MLYCD: variants seen among roughly 807,000 people sequenced by gnomAD.
The protein encoded by MLYCD is malonyl-CoA decarboxylase, mitochondrial.
Under a neutral mutation model 35.8 loss-of-function variants are expected in MLYCD, and 27 were observed. That is an observed-to-expected ratio of 0.75 (90% CI 0.56 to 1.04). The LOEUF (loss-of-function observed/expected upper bound fraction) is 1.04, where lower values mean the gene tolerates loss of function less well. MLYCD is among the 50% of genes least tolerant of loss of function. MLYCD has a pLI of 0.00. For missense variants in MLYCD, 917 were observed against 665.1 expected (o/e 1.38, Z -4.17); for synonymous variants, 403 against 302.4 (o/e 1.33, Z -3.45).
chr16:83,915,551 C>G lies in MLYCD; in HGVS notation c.*62C>G. The G allele has an allele frequency of 6.3e-7, 1 of 1,585,888 alleles. No homozygotes were observed. Among genetic ancestry groups the G allele is most frequent in the South Asian group, 1.1e-5 (1 of 88,844 alleles). ...GAAAACGATCATTTTCAGGAGGGGCCGGGAGTTATGTATCTGAAGCAGCTT... is the reference window on the plus strand; with the variant it reads ...GAAAACGATCATTTTCAGGAGGGGCGGGGAGTTATGTATCTGAAGCAGCTT... On this transcript the variant is annotated 3_prime_UTR_variant, in exon 5 of 5. Transcript: ENST00000262430.
chr16:83,903,786 C>G (rs976179967), intron 1 of MLYCD, among the ~76,000 whole-genome samples: 2 of 152,194 alleles, frequency 1.3e-5, no homozygotes, highest in African/African-American at 4.8e-5. Context: ...ATAAGAAACA[C>G]TCCAGCAGAA....
At position 83,921,622 on chromosome 16, in the gene MLYCD, A is replaced by C. The variant is rs184263842; in HGVS notation, c.*6133A>C. On this transcript the variant is annotated 3_prime_UTR_variant, in exon 5 of 5. Transcript: ENST00000262430. ...AGGAGAAAGAGCCTGTCGTCCCTCT[A>C]TGATACTGCACTGAACCAATATTCC... 1 of 152,172 alleles carries C rather than the reference A, an allele frequency of 6.6e-6. No homozygotes were observed. The highest frequency in any genetic ancestry group is 1.5e-5 in the Non-Finnish European group (1 of 68,048). 9.4% of individuals were successfully genotyped at this position (152,172 alleles called of 1,614,324 possible). A position where few individuals can be genotyped will look rare whatever the true frequency, so the allele number is the denominator to read the frequency against.
At position 83,925,469 on chromosome 16, in the gene MLYCD, C is replaced by T. The variant is rs1218868150; in HGVS notation, c.*9980C>T. The T allele has an allele frequency of 1.3e-5, 2 of 152,420 alleles. No homozygotes were observed. Among genetic ancestry groups the T allele is most frequent in the Non-Finnish European group, 2.9e-5 (2 of 68,206 alleles). The allele number at this position is 152,420 out of a possible 1,614,324, so 9.4% of individuals were successfully genotyped here. A position where few individuals can be genotyped will look rare whatever the true frequency, so the allele number is the denominator to read the frequency against. On this transcript the variant is annotated 3_prime_UTR_variant, in exon 5 of 5. Coordinates refer to ENST00000262430, the MANE Select transcript of MLYCD (RefSeq NM_012213.3). ...TGTGCATTAACTAACCTCGCAGGTG[C>T]TCTGCCCACCTGCCTACGCCAGACT...
At chr16:83,904,323 C>A (rs1234847342) in intron 1 of MLYCD, among the ~76,000 whole-genome samples, 1 of 152,058 alleles carries the variant, frequency 6.6e-6, no homozygotes, top group East Asian at 1.9e-4. Flanking sequence ...TCCATGTACC[C>A]CAGGAAAACG....
In MLYCD at chr16:83,916,068, C is replaced by T. The variant is rs1907374863; in HGVS notation, c.*579C>T. The T allele has an allele frequency of 1.0e-6, 1 of 996,870 alleles. No homozygotes were observed. 61.8% of individuals were successfully genotyped at this position (996,870 alleles called of 1,614,324 possible). A position where few individuals can be genotyped will look rare whatever the true frequency, so the allele number is the denominator to read the frequency against. ...GTGTGTAGTAAGTTAAATTGTTGAACACAAAAATGTTGCTGCTTGAGGCAT... is the reference window on the plus strand; with the variant it reads ...GTGTGTAGTAAGTTAAATTGTTGAATACAAAAATGTTGCTGCTTGAGGCAT... On this transcript the variant is annotated 3_prime_UTR_variant, in exon 5 of 5. Transcript: ENST00000262430.
In MLYCD at chr16:83,917,135, C is replaced by G; in HGVS notation, c.*1646C>G. 1.1e-5 allele frequency: 1 copy of G among 90,904 alleles called. No individual in the cohort carries two copies. Among genetic ancestry groups the G allele is most frequent in the East Asian group, 3.5e-4 (1 of 2,832 alleles). The allele number at this position is 90,904 out of a possible 1,614,324, so 5.6% of individuals were successfully genotyped here. On this transcript the variant is annotated 3_prime_UTR_variant, in exon 5 of 5. Coordinates refer to ENST00000262430, the MANE Select transcript of MLYCD (RefSeq NM_012213.3). ...GTCTGTGTGCGTGTGCACGAGCGTT[C>G]TATGTGGATCAGTGCACGCCTGTGT...
At chr16:83,903,060 C>G (rs532592524) in intron 1 of MLYCD, among the ~76,000 whole-genome samples, 1 of 152,016 alleles carries the variant, frequency 6.6e-6, no homozygotes, top group Non-Finnish European at 1.5e-5. Flanking sequence ...GAAACCGAGT[C>G]GAATCCCCAG....
intron 4 of MLYCD, 85 bp from the exon 5 acceptor site, chr16:83,914,871 G>A: frequency 6.3e-7 from 1 of 1,575,782 alleles, no homozygotes; most frequent in East Asian, 2.2e-5. Flanking sequence ...TGAGCCGTAG[G>A]TTAAGAGGTG....
At chr16:83,902,237 T>G (rs1203971694) in intron 1 of MLYCD, among the ~76,000 whole-genome samples, 1 of 148,294 alleles carries the variant, frequency 6.7e-6, no homozygotes, top group Non-Finnish European at 1.5e-5. Flanking sequence ...GTTTATTTTT[T>G]TGTTCATGTT....
chr16:83,910,423 G>A (rs764686203), intron 3 of MLYCD, among the ~76,000 whole-genome samples: 13 of 152,006 alleles, frequency 8.6e-5, no homozygotes, highest in Non-Finnish European at 1.8e-4. Flanking sequence ...GCAGTGACTC[G>A]CGCCCAGAAT....
In MLYCD at chr16:83,926,116, C is replaced by A. The variant is rs564204897; in HGVS notation, c.*10627C>A. On this transcript the variant is annotated 3_prime_UTR_variant, in exon 5 of 5. Transcript: ENST00000262430. ...CACTCCTTGCCCAGGGTTCCACAGCCCCTTAAAGGCAGGGTCTTTCTGGCC... is the reference window on the plus strand; with the variant it reads ...CACTCCTTGCCCAGGGTTCCACAGCACCTTAAAGGCAGGGTCTTTCTGGCC... 1 of 152,320 alleles carries A rather than the reference C, an allele frequency of 6.6e-6. No individual in the cohort carries two copies. Among genetic ancestry groups the A allele is most frequent in the Admixed American group, 6.5e-5 (1 of 15,286 alleles). 9.4% of individuals were successfully genotyped at this position (152,320 alleles called of 1,614,324 possible). A position where few individuals can be genotyped will look rare whatever the true frequency, so the allele number is the denominator to read the frequency against.
intron 3 of MLYCD, chr16:83,911,548 A>C (rs996435099): frequency 3.9e-5 from 6 of 153,480 alleles, no homozygotes; most frequent in African/African-American, 1.2e-4. Flanking sequence ...CTGCCGTGAG[A>C]ATGAGAGGCA....
At position 83,923,320 on chromosome 16, in the gene MLYCD, T is replaced by A. The variant is rs539500166; in HGVS notation, c.*7831T>A. On this transcript the variant is annotated 3_prime_UTR_variant, in exon 5 of 5. Transcript: ENST00000262430. The stretch of plus-strand genomic sequence containing the variant: ...GAGCAAACACCTCTGTGATTTCCAA[T>A]TGGATTCTGAGGCGCTTACAGAAAT... 6.6e-6 allele frequency: 1 copy of A among 152,264 alleles called. No homozygotes were observed. The highest frequency in any genetic ancestry group is 1.5e-5 in the Non-Finnish European group (1 of 68,052). The allele number at this position is 152,264 out of a possible 1,614,324, so 9.4% of individuals were successfully genotyped here.
Position 83,925,555 on chromosome 16 carries a change from C to G in MLYCD, c.*10066C>G, listed in dbSNP as rs1907779800. On this transcript the variant is annotated 3_prime_UTR_variant, in exon 5 of 5. Coordinates refer to ENST00000262430, the MANE Select transcript of MLYCD (RefSeq NM_012213.3). ...GTCATTGTGAAATGCAAATCAGGTT[C>G]CATCTCTCCTCTCCTTTCCTACCTC... 1 of 152,470 alleles carries G rather than the reference C, an allele frequency of 6.6e-6. No individual in the cohort carries two copies. The highest frequency in any genetic ancestry group is 1.5e-5 in the Non-Finnish European group (1 of 68,226). The allele number at this position is 152,470 out of a possible 1,614,324, so 9.4% of individuals were successfully genotyped here.
rs768631491 is a variant in MLYCD at position 83,923,837 on chromosome 16, G to T, written c.*8348G>T. Reference sequence around the variant, plus strand: ...CCAGAGAGGAGAAGGCCAGCAGTGGGCAGAACAGAGTGGGCCGCAGGTTTT... The same window carrying T: ...CCAGAGAGGAGAAGGCCAGCAGTGGTCAGAACAGAGTGGGCCGCAGGTTTT... On this transcript the variant is annotated 3_prime_UTR_variant, in exon 5 of 5. Coordinates refer to ENST00000262430, the MANE Select transcript of MLYCD (RefSeq NM_012213.3). The T allele has an allele frequency of 1.3e-5, 2 of 152,668 alleles. No homozygotes were observed. The highest frequency in any genetic ancestry group is 2.4e-5 in the African/African-American group (1 of 41,470). The allele number at this position is 152,668 out of a possible 1,614,324, so 9.5% of individuals were successfully genotyped here. A position where few individuals can be genotyped will look rare whatever the true frequency, so the allele number is the denominator to read the frequency against.
intron 1 of MLYCD, among the ~76,000 whole-genome samples, chr16:83,903,685 C>G (rs1906876992): frequency 6.6e-6 from 1 of 152,182 alleles, no homozygotes; most frequent in African/African-American, 2.4e-5. Context: ...TGGCACGCAC[C>G]TGTAGTCCCT....
rs1372166003 is a variant in MLYCD, at chr16:83,918,623, G to C, written c.*3134G>C. 7.1e-6 allele frequency: 1 copy of C among 140,312 alleles called. No individual in the cohort carries two copies. The highest frequency in any genetic ancestry group is 2.7e-5 in the African/African-American group (1 of 36,824). 8.7% of individuals were successfully genotyped at this position (140,312 alleles called of 1,614,324 possible). ...CGCACAGTGCACAGGAGAACACGGT[G>C]CACCGGAGAACATGCACACATGGTG... On this transcript the variant is annotated 3_prime_UTR_variant, in exon 5 of 5. Coordinates refer to ENST00000262430, the MANE Select transcript of MLYCD (RefSeq NM_012213.3).
chr16:83,912,102 G>T (rs1418965875), intron 3 of MLYCD, 116 bp from the exon 4 acceptor site: 2 of 1,447,500 alleles, frequency 1.4e-6, no homozygotes, highest in African/African-American at 1.4e-5. Flanking sequence ...GGGAGCCGAG[G>T]TCTCTTCCAG....
At chr16:83,905,592 A>G (rs1464342440) in intron 1 of MLYCD, among the ~76,000 whole-genome samples, 9 of 152,172 alleles carry the variant, frequency 5.9e-5, no homozygotes, top group Non-Finnish European at 1.2e-4. Flanking sequence ...GGCTGCTCCA[A>G]TGCCAGCCAT....
Sources: allele counts gnomAD v4.1 joint callset (sites outside exome capture counted in the v4.1 genomes callset), GRCh38; gene constraint gnomAD v4.1.1; transcripts MANE v1.5; gene names NCBI Gene and HGNC (gene_info 2026-07-23, HGNC 2026-07-21).